Variants in LMBR1L observed in about 807,000 individuals in gnomAD.
LMBR1L encodes the protein protein LMBR1L.
In LMBR1L, 47 loss-of-function variants were observed where a neutral mutation model predicts 67.3. That is an observed-to-expected ratio of 0.70 (90% CI 0.55 to 0.89). The LOEUF (loss-of-function observed/expected upper bound fraction) is 0.89. LMBR1L is among the 40% of genes least tolerant of loss of function. LMBR1L has a pLI of 0.00. For synonymous variants in LMBR1L, 247 were observed against 250.3 expected (o/e 0.99, Z 0.13); for missense variants, 533 against 599.2 (o/e 0.89, Z 1.15).
intron 2 of LMBR1L, 91 bp from the exon 3 acceptor site, chr12:49,106,048 C>A: frequency 9.3e-7 from 1 of 1,075,550 alleles, no homozygotes. Flanking sequence ...CCTGCCCCAT[C>A]CCTGCCCCCT....
rs758593898 is a variant in LMBR1L at position 49,101,231 on chromosome 12, T to C, written c.1082+19A>G. ...CAGGTTTGCTGAACAGAGGCAATGA[T>C]GGGTTTCCAGAAGGATACAAGATGA... On this transcript the variant is annotated intron_variant, in intron 13 of 16. Transcript: ENST00000267102. 1.2e-6 allele frequency: 2 copies of C among 1,614,126 alleles called. No homozygotes were observed. Among genetic ancestry groups the C allele is most frequent in the Non-Finnish European group, 8.5e-7 (1 of 1,179,994 alleles).
At chr12:49,109,344 C>A (rs1941281619) in intron 1 of LMBR1L, among the ~76,000 whole-genome samples, 1 of 152,144 alleles carries the variant, frequency 6.6e-6, no homozygotes, top group Non-Finnish European at 1.5e-5. Context: ...TGTGGACTGT[C>A]CACCAAGAAA....
chr12:49,100,534 T>C (rs1285156912), intron 14 of LMBR1L, 22 bp downstream of exon 14: 8 of 1,611,252 alleles, frequency 5.0e-6, no homozygotes, highest in Non-Finnish European at 6.8e-6. Flanking sequence ...CCCGGGAGCT[T>C]CCCTTACTCC....
At position 49,104,505 on chromosome 12, in the gene LMBR1L, G is replaced by A. The variant is rs923642661; in HGVS notation, c.378C>T (p.Phe126=). Residue 126 remains phenylalanine (F), a synonymous_variant, in exon 5 of 17, where the codon TTC becomes TTT. Coordinates refer to ENST00000267102, the MANE Select transcript of LMBR1L (RefSeq NM_018113.4). ...TGAAGAAATATGCAAAGGGCATGAG[G>A]AAGATGAGGGACAGGTTGGAGAAGA... ...VFLFSNLSLI[F]LMPFAYFFTE... The A allele has an allele frequency of 2.0e-5, 33 of 1,614,020 alleles. No individual in the cohort carries two copies. The highest frequency in any genetic ancestry group is 4.5e-5 in the East Asian group (2 of 44,902).
At position 49,110,610 on chromosome 12, in the gene LMBR1L, G is replaced by T; in HGVS notation, c.-55C>A. On this transcript the variant is annotated 5_prime_UTR_variant, in exon 1 of 17. Transcript: ENST00000267102. ...GCCTCTGGGCCCGGGGAGGACGAGC[G>T]GGGAGGAAGCCGCCGCCGCCAAGCA... is the stretch of plus-strand genomic sequence containing the variant. 6.5e-7 allele frequency: 1 copy of T among 1,543,854 alleles called. No individual in the cohort carries two copies. Among genetic ancestry groups the T allele is most frequent in the Non-Finnish European group, 8.9e-7 (1 of 1,117,466 alleles).
chr12:49,100,640 T>A lies in LMBR1L; in HGVS notation c.1089A>T (p.Leu363=). 1 of 1,612,576 alleles carries A rather than the reference T, an allele frequency of 6.2e-7. No homozygotes were observed. The highest frequency in any genetic ancestry group is 8.5e-7 in the Non-Finnish European group (1 of 1,178,910). Residue 363 remains leucine, a synonymous_variant, in exon 14 of 17, where the codon CTA becomes CTT. Transcript: ENST00000267102. ...AVIQVVLIFY[L]MVSSVVGFYS... is the part of the protein sequence containing the mutation. ...AGAAGCCCACAACTGAGGACACCAT[T>A]AGGTAACTGCCACTGCATTAAGGAA...
chr12:49,103,694 T>G lies in LMBR1L; in HGVS notation c.555A>C (p.Ser185=). 1 of 1,612,972 alleles carries G rather than the reference T, an allele frequency of 6.2e-7. No homozygotes were observed. Among genetic ancestry groups the G allele is most frequent in the Non-Finnish European group, 8.5e-7 (1 of 1,179,594 alleles). Residue 185 remains serine, a synonymous_variant, in exon 6 of 17, where the codon TCA becomes TCC. Transcript: ENST00000267102. ...GGAAGCTGGGCCGCTCACCATAGAG[T>G]GACTCTCTGTTGGCCTTGTTCTTGT... ...IVDKNKANRE[S]LYDFWEYYLP...
chr12:49,106,719 A>G (rs372115574), intron 2 of LMBR1L: 34 of 967,940 alleles, frequency 3.5e-5, no homozygotes, highest in Non-Finnish European at 5.2e-5. Context: ...GTAGGTAGAC[A>G]TTGTTACGCC....
In LMBR1L at chr12:49,101,509, A is replaced by C. The variant is rs1201618824; in HGVS notation, c.971T>G (p.Leu324Arg). 1.2e-6 allele frequency: 2 copies of C among 1,613,928 alleles called. No individual in the cohort carries two copies. Among genetic ancestry groups the C allele is most frequent in the Admixed American group, 1.7e-5 (1 of 59,988 alleles). Residue 324 changes from leucine to arginine, a missense_variant, in exon 12 of 17, where the codon CTG becomes CGG. Leu to Arg is a moderately radical substitution (Grantham distance 102). Coordinates refer to ENST00000267102, the MANE Select transcript of LMBR1L (RefSeq NM_018113.4). ...VLIVAIHILE[L>R]LIDEAAMPRG... ...GGGCATGGCAGCCTCATCGATGAGCAGCTCCAGGATGTGGATGGCCACAAT... is the reference window on the plus strand; with the variant it reads ...GGGCATGGCAGCCTCATCGATGAGCCGCTCCAGGATGTGGATGGCCACAAT...
intron 3 of LMBR1L, chr12:49,105,129 C>T: frequency 2.0e-6 from 1 of 509,250 alleles, no homozygotes; most frequent in Non-Finnish European, 3.5e-6. Context: ...ACCTGGTCAC[C>T]TGCCATGTCA....
Position 49,097,533 on chromosome 12 carries a change from G to C in LMBR1L, c.*139C>G. On this transcript the variant is annotated 3_prime_UTR_variant, in exon 17 of 17. Coordinates refer to ENST00000267102, the MANE Select transcript of LMBR1L (RefSeq NM_018113.4). ...AAACTCTGGCTCAGATTATGCAATA[G>C]TGCAGATGGCTCTGCTCCCCTCTGC... 1.2e-6 allele frequency: 1 copy of C among 803,454 alleles called. No individual in the cohort carries two copies. Among genetic ancestry groups the C allele is most frequent in the South Asian group, 1.5e-5 (1 of 64,746 alleles). The allele number at this position is 803,454 out of a possible 1,614,324, so 49.8% of individuals were successfully genotyped here.
At position 49,106,061 on chromosome 12, in the gene LMBR1L, A is replaced by G. The variant is rs1940867133; in HGVS notation, c.158-104T>C. 8.5e-6 allele frequency: 8 copies of G among 945,208 alleles called. No individual in the cohort carries two copies. The East Asian group carries it at 2.0e-4, about 23-fold the overall frequency. The allele number at this position is 945,208 out of a possible 1,614,324, so 58.6% of individuals were successfully genotyped here. On this transcript the variant is annotated intron_variant, in intron 2 of 16. Coordinates refer to ENST00000267102, the MANE Select transcript of LMBR1L (RefSeq NM_018113.4). ...TCCCTGCCCCATCCCTGCCCCCTCA[A>G]AGAAGGCAGAGCTGAACAGGAGGCT...
chr12:49,102,578 G>C, intron 8 of LMBR1L, 38 bp from the exon 9 acceptor site: 1 of 1,594,812 alleles, frequency 6.3e-7, no homozygotes, highest in Non-Finnish European at 8.6e-7. Context: ...ACTGTCAGAG[G>C]CTCCCTGACC....
chr12:49,100,342 T>A (rs369647758), intron 15 of LMBR1L, 46 bp downstream of exon 15: 1 of 1,452,592 alleles, frequency 6.9e-7, no homozygotes, highest in African/African-American at 1.4e-5. Context: ...CATCAGTAAG[T>A]ACTCAAAAAA....
Position 49,105,960 on chromosome 12 carries a change from G to A in LMBR1L, c.158-3C>T. On this transcript the variant is annotated splice_region_variant and splice_polypyrimidine_tract_variant and intron_variant, in intron 2 of 16. Transcript: ENST00000267102. ...GACGGTGGCATCTTCATCATCCACTGTAAGAGACAGAGGCACGGGGAACAG... is the reference window on the plus strand; with the variant it reads ...GACGGTGGCATCTTCATCATCCACTATAAGAGACAGAGGCACGGGGAACAG... 6.2e-7 allele frequency: 1 copy of A among 1,613,012 alleles called. No homozygotes were observed. Among genetic ancestry groups the A allele is most frequent in the Non-Finnish European group, 8.5e-7 (1 of 1,179,566 alleles).
chr12:49,104,908 T>A, intron 3 of LMBR1L, 23 bp from the exon 4 acceptor site: 4 of 1,600,000 alleles, frequency 2.5e-6, no homozygotes, highest in Non-Finnish European at 3.4e-6. Flanking sequence ...GGGGACAGTG[T>A]CCTTGCTTAG....
At position 49,103,010 on chromosome 12, in the gene LMBR1L, GCCC is replaced by G. The variant is rs981109189; in HGVS notation, c.632-62_632-60del. On this transcript the variant is annotated intron_variant, in intron 7 of 16. Coordinates refer to ENST00000267102, the MANE Select transcript of LMBR1L (RefSeq NM_018113.4). ...CTGCTCTCCACCCCTTCCCTAACATGCCCCCCATTCCCTTTCCTTCTAGCCTGG... is the reference window on the plus strand; with the variant it reads ...CTGCTCTCCACCCCTTCCCTAACATGCCCATTCCCTTTCCTTCTAGCCTGG... The G allele has an allele frequency of 2.4e-5, 39 of 1,604,072 alleles. No homozygotes were observed. In the Admixed American group the frequency reaches 6.3e-4, roughly 26 times the overall value.
chr12:49,099,699 A>G (rs2120902057), intron 15 of LMBR1L, among the ~76,000 whole-genome samples: 1 of 151,264 alleles, frequency 6.6e-6, no homozygotes, highest in Middle Eastern at 3.4e-3. Flanking sequence ...CTCCTGCCTC[A>G]GCTTCCCGAG....
Position 49,110,597 on chromosome 12 carries a change from G to A in LMBR1L, c.-42C>T, listed in dbSNP as rs1005728769. ...CTGAAGCCGAGGTGCCTCTGGGCCC[G>A]GGGAGGACGAGCGGGGAGGAAGCCG... On this transcript the variant is annotated 5_prime_UTR_variant, in exon 1 of 17. Coordinates refer to ENST00000267102, the MANE Select transcript of LMBR1L (RefSeq NM_018113.4). The A allele has an allele frequency of 1.3e-6, 2 of 1,580,826 alleles. No individual in the cohort carries two copies. The highest frequency in any genetic ancestry group is 1.7e-6 in the Non-Finnish European group (2 of 1,150,320).
Sources: allele counts gnomAD v4.1 joint callset (sites outside exome capture counted in the v4.1 genomes callset), GRCh38; gene constraint gnomAD v4.1.1; transcripts MANE v1.5; gene names NCBI Gene and HGNC (gene_info 2026-07-23, HGNC 2026-07-21).